ATP10D: variants seen among roughly 807,000 people sequenced by gnomAD.
ATP10D encodes the protein phospholipid-transporting ATPase VD.
Under a neutral mutation model 144.8 loss-of-function variants are expected in ATP10D, and 89 were observed. The observed-to-expected ratio is 0.61, with a 90% CI of 0.52 to 0.73. ATP10D has a LOEUF of 0.73. Ranked by LOEUF, ATP10D falls within the 30% of genes least tolerant of loss-of-function variation. The pLI is 0.00. For missense variants in ATP10D, 1,603 were observed against 1,714.8 expected (o/e 0.93, Z 1.15); for synonymous variants, 571 against 615.1 (o/e 0.93, Z 1.06).
At chr4:47,542,668 G>A (rs146287243) in intron 9 of ATP10D, among the ~76,000 whole-genome samples, 2,138 of 148,942 alleles carry the variant, frequency 0.014, 35 homozygotes, top group African/African-American at 0.049. Flanking sequence ...TAGTAGAGAT[G>A]GGGTTTCGCC....
chr4:47,498,409 GAGGT>G (rs2109387499), intron 1 of ATP10D, among the ~76,000 whole-genome samples: 1 of 152,312 alleles, frequency 6.6e-6, no homozygotes, highest in African/African-American at 2.4e-5. Context: ...GCTGGAAGGG[GAGGT>G]ACAATTGGCC....
chr4:47,572,764 T>C, intron 17 of ATP10D, 108 bp from the exon 18 acceptor site: 1 of 1,399,002 alleles, frequency 7.1e-7, no homozygotes, highest in South Asian at 1.3e-5. Flanking sequence ...ACAAATGCGG[T>C]CAGAAGAAGG....
intron 1 of ATP10D, among the ~76,000 whole-genome samples, chr4:47,501,166 G>C (rs770492124): frequency 1.3e-5 from 2 of 152,206 alleles, no homozygotes; most frequent in East Asian, 3.8e-4. Context: ...TTTGAAGTAA[G>C]TAAGGAAATA....
At chr4:47,580,202 T>G (rs1239516747) in intron 19 of ATP10D, among the ~76,000 whole-genome samples, 196 bp from the exon 20 acceptor site, 1 of 152,238 alleles carries the variant, frequency 6.6e-6, no homozygotes, top group African/African-American at 2.4e-5. Context: ...AAATGTTCCT[T>G]CAAGGATTTT....
rs1050646175 is a variant in ATP10D, at chr4:47,546,850, C to G, written c.1623C>G (p.Phe541Leu). The change falls in exon 10 of 23, where the codon TTC becomes TTG. Residue 541 changes from phenylalanine to leucine, a missense_variant. By Grantham distance (22) the Phe-to-Leu change is conservative. Transcript: ENST00000273859. ...TGCCTCATTCCAGACAGGCTGCTTT[C>G]AGTAGCCCCATTGTAAGTATGAATG... The part of the protein sequence containing the change: ...SEVPHSRQAA[F>L]SSPIETDVVP... 4.3e-6 allele frequency: 7 copies of G among 1,612,198 alleles called. No homozygotes were observed. The highest frequency in any genetic ancestry group is 5.1e-6 in the Non-Finnish European group (6 of 1,179,454).
intron 9 of ATP10D, among the ~76,000 whole-genome samples, chr4:47,537,723 T>G (rs143879247): frequency 2.3e-3 from 346 of 152,280 alleles, no homozygotes; most frequent in Non-Finnish European, 3.6e-3. Flanking sequence ...GTTCATAACT[T>G]AAAATTAAGA....
intron 1 of ATP10D, among the ~76,000 whole-genome samples, chr4:47,486,785 G>A (rs1343869075): frequency 1.3e-5 from 2 of 152,122 alleles, no homozygotes; most frequent in African/African-American, 2.4e-5. Flanking sequence ...GTTTTAGGGA[G>A]TTTAAAAATA....
At chr4:47,501,913 T>C (rs139055943) in intron 1 of ATP10D, among the ~76,000 whole-genome samples, 41 of 152,308 alleles carry the variant, frequency 2.7e-4, no homozygotes, top group Admixed American at 1.2e-3. Flanking sequence ...CAATAACGTA[T>C]TATTTTAGAA....
chr4:47,509,259 C>T (rs1205027195), intron 1 of ATP10D, among the ~76,000 whole-genome samples: 1 of 151,994 alleles, frequency 6.6e-6, no homozygotes, highest in Non-Finnish European at 1.5e-5. Context: ...TTTACAAAAA[C>T]ATCCACTGAA....
intron 5 of ATP10D, among the ~76,000 whole-genome samples, chr4:47,534,939 A>G (rs1717761805): frequency 6.6e-6 from 1 of 152,138 alleles, no homozygotes; most frequent in South Asian, 2.1e-4. Flanking sequence ...AGAATGGATA[A>G]AGAAAATGTG....
intron 17 of ATP10D, 60 bp downstream of exon 17, chr4:47,572,290 T>C (rs1577697936): frequency 1.4e-6 from 2 of 1,449,258 alleles, no homozygotes; most frequent in East Asian, 2.3e-5. Context: ...AAAGGCAGCA[T>C]TCTCCATGGT....
intron 5 of ATP10D, among the ~76,000 whole-genome samples, chr4:47,535,303 T>C (rs866981912): frequency 2.2e-5 from 3 of 138,422 alleles, no homozygotes; most frequent in African/African-American, 7.8e-5. Flanking sequence ...GTGTACCACC[T>C]GAACCTAAAA....
At chr4:47,501,086 C>CAAGA (rs5858074) in intron 1 of ATP10D, among the ~76,000 whole-genome samples, 151,007 of 152,244 alleles carry the variant, frequency 0.99, 74,899 homozygotes, top group East Asian at 1. Context: ...AGGGTTTTGC[C>CAAGA]AAGAAGTGAG....
chr4:47,545,717 A>G (rs1718382756), intron 9 of ATP10D, among the ~76,000 whole-genome samples: 1 of 152,228 alleles, frequency 6.6e-6, no homozygotes, highest in African/African-American at 2.4e-5. Context: ...AGATTATCAT[A>G]TTGGCAAAAC....
At position 47,490,937 on chromosome 4, in the gene ATP10D, T is replaced by C. The variant is rs140330530; in HGVS notation, c.-38+5418T>C. The C allele has an allele frequency of 5.8e-4, 294 of 502,838 alleles. 2 individuals are homozygous for C. The highest frequency in any genetic ancestry group is 3.5e-3 in the Middle Eastern group (6 of 1,720). 31.1% of individuals were successfully genotyped at this position (502,838 alleles called of 1,614,324 possible). A position where few individuals can be genotyped will look rare whatever the true frequency, so the allele number is the denominator to read the frequency against. On this transcript the variant is annotated intron_variant, in intron 1 of 22. Transcript: ENST00000273859. ...CACTTCTTGCAAATACATCTTTTTT[T>C]TTTTCAGTCAGAAGTCTTTTATTTT...
At chr4:47,536,296 A>G in intron 7 of ATP10D, 141 bp from the exon 8 acceptor site, 1 of 1,189,086 alleles carries the variant, frequency 8.4e-7, no homozygotes. Flanking sequence ...TAGCCTTTTG[A>G]ATTTGAATTT....
Position 47,512,513 on chromosome 4 carries a change from A to G in ATP10D, c.-28A>G, listed in dbSNP as rs374780242. 8.7e-5 allele frequency: 137 copies of G among 1,570,838 alleles called. 1 individual carries two copies. Among genetic ancestry groups the G allele is most frequent in the Non-Finnish European group, 1.1e-4 (131 of 1,154,374 alleles). On this transcript the variant is annotated 5_prime_UTR_variant, in exon 2 of 23. Transcript: ENST00000273859. ...TTTGTTTGTTTGCCAGGTCAGCTAC[A>G]CAACCTGGATCTTACCACAGTTTGG...
At chr4:47,528,011 A>G (rs542749280) in intron 5 of ATP10D, among the ~76,000 whole-genome samples, 1 of 152,338 alleles carries the variant, frequency 6.6e-6, no homozygotes, top group South Asian at 2.1e-4. Context: ...AGATAAATGG[A>G]TAAACAACTC....
intron 1 of ATP10D, among the ~76,000 whole-genome samples, chr4:47,486,705 G>A (rs1363958600): frequency 6.6e-6 from 1 of 152,114 alleles, no homozygotes; most frequent in Admixed American, 6.5e-5. Context: ...TACCTACATT[G>A]AGATAGTTTA....
Sources: allele counts gnomAD v4.1 joint callset (sites outside exome capture counted in the v4.1 genomes callset), GRCh38; gene constraint gnomAD v4.1.1; transcripts MANE v1.5; gene names NCBI Gene and HGNC (gene_info 2026-07-23, HGNC 2026-07-21).